The following IFNAR1 variants were observed in gnomAD, a reference collection of about 807,000 sequenced individuals.
IFNAR1 encodes the protein interferon alpha and beta receptor subunit 1.
A neutral mutation model predicts 62.1 loss-of-function variants in IFNAR1; 47 were observed. The observed-to-expected ratio is 0.76, with a 90% CI of 0.60 to 0.97. IFNAR1 has a LOEUF of 0.97. IFNAR1 is among the 50% of genes least tolerant of loss of function. IFNAR1 has a pLI of 0.00. For synonymous variants in IFNAR1, 219 were observed against 226.9 expected, an observed-to-expected ratio of 0.97 and a Z score of 0.31; for missense variants, 638 against 654.5, an observed-to-expected ratio of 0.97 and a Z score of 0.27.
chr21:33,334,915 G>A, intron 1 of IFNAR1: 1 of 1,543,508 alleles, frequency 6.5e-7, no homozygotes, highest in Non-Finnish European at 8.9e-7. Flanking sequence ...CACCCCTGCA[G>A]TGGGAGATGG....
intron 3 of IFNAR1, among the ~76,000 whole-genome samples, chr21:33,341,629 A>G (rs1455989348): frequency 1.3e-5 from 2 of 152,118 alleles, no homozygotes; most frequent in African/African-American, 4.8e-5. Flanking sequence ...TGAAGTTTCT[A>G]TGTTCCTTTT....
At chr21:33,349,325 T>C (rs773004485) in intron 7 of IFNAR1, 35 bp downstream of exon 7, 1 of 1,570,122 alleles carries the variant, frequency 6.4e-7, no homozygotes, top group Non-Finnish European at 8.7e-7. Flanking sequence ...ATTGTAATTC[T>C]CTGGTGCAAG....
At chr21:33,339,840 A>T (rs867808377) in intron 2 of IFNAR1, among the ~76,000 whole-genome samples, 1 of 149,664 alleles carries the variant, frequency 6.7e-6, no homozygotes, top group Non-Finnish European at 1.5e-5. Context: ...AGGCAGGAGA[A>T]TTGCTTGAAC....
intron 8 of IFNAR1, among the ~76,000 whole-genome samples, chr21:33,350,922 C>T (rs2083391724): frequency 6.6e-6 from 1 of 152,162 alleles, no homozygotes; most frequent in Non-Finnish European, 1.5e-5. Flanking sequence ...TTCCTCTTCT[C>T]TGAAGTGGTG....
rs2083469373 is a variant in IFNAR1, at chr21:33,358,400, A to T, written c.*2851A>T. On this transcript the variant is annotated 3_prime_UTR_variant, in exon 11 of 11. Transcript: ENST00000270139. ...TTGATAGTTCTTAGAGAGACCAGAT[A>T]TAATCTAAGAATTTATATGAAAGAT... is the stretch of plus-strand genomic sequence containing the variant. The T allele has an allele frequency of 6.6e-6, 1 of 152,204 alleles. No individual in the cohort carries two copies. Among genetic ancestry groups the T allele is most frequent in the Non-Finnish European group, 1.5e-5 (1 of 68,042 alleles). The allele number at this position is 152,204 out of a possible 1,614,324, so 9.4% of individuals were successfully genotyped here.
chr21:33,327,906 A>AT (rs1352694422), intron 1 of IFNAR1, among the ~76,000 whole-genome samples: 2 of 152,084 alleles, frequency 1.3e-5, no homozygotes, highest in Admixed American at 6.6e-5. Flanking sequence ...AGATTTAAAG[A>AT]TTTTCTGATT....
At position 33,325,047 on chromosome 21, in the gene IFNAR1, G is replaced by A. The variant is rs550596306; in HGVS notation, c.-9G>A. The A allele has an allele frequency of 2.3e-5, 37 of 1,592,880 alleles. No individual in the cohort carries two copies. In the African/African-American group the frequency reaches 4.4e-4, roughly 19 times the overall value. On this transcript the variant is annotated 5_prime_UTR_variant, in exon 1 of 11. Transcript: ENST00000270139. ...ACATGTAACTGGTGGGATCTGCGGC[G>A]GCTCCCAGATGATGGTCGTCCTCCT...
At chr21:33,348,024 A>G (rs2083365602) in intron 6 of IFNAR1, among the ~76,000 whole-genome samples, 1 of 152,148 alleles carries the variant, frequency 6.6e-6, no homozygotes, top group Non-Finnish European at 1.5e-5. Context: ...TATGTGGGAG[A>G]GTGGACTAAG....
rs186399400 is a variant in IFNAR1 at position 33,332,070 on chromosome 21, T to C, written c.77-3454T>C. On this transcript the variant is annotated intron_variant, in intron 1 of 10. Coordinates refer to ENST00000270139, the MANE Select transcript of IFNAR1 (RefSeq NM_000629.3). ...TTGCCCAGTAGCCACTCTGAATACCTTCATCTGGAATCAAGAGCTGCTGCA... is the reference window on the plus strand; with the variant it reads ...TTGCCCAGTAGCCACTCTGAATACCCTCATCTGGAATCAAGAGCTGCTGCA... Among the ~76,000 whole-genome samples the C allele has an allele frequency of 5.4e-4, 82 of 152,240 alleles. 2 individuals are homozygous for C. Among genetic ancestry groups the C allele is most frequent in the African/African-American group, 1.8e-3 (76 of 41,536 alleles).
chr21:33,325,138 G>C lies in IFNAR1; in HGVS notation c.76+7G>C. 6.2e-7 allele frequency: 1 copy of C among 1,608,764 alleles called. No individual in the cohort carries two copies. Among genetic ancestry groups the C allele is most frequent in the Non-Finnish European group, 8.5e-7 (1 of 1,178,468 alleles). ...GTGTTGTCCGCAGCCGCAGGTGAGAGGCGGGGAGGAGAGTCTTGGCGCAGG... is the reference window on the plus strand; with the variant it reads ...GTGTTGTCCGCAGCCGCAGGTGAGACGCGGGGAGGAGAGTCTTGGCGCAGG... On this transcript the variant is annotated splice_region_variant and intron_variant, in intron 1 of 10. Transcript: ENST00000270139.
In IFNAR1 at chr21:33,343,377, C is replaced by G. The variant is rs779890940; in HGVS notation, c.486C>G (p.Ser162Arg). 3.1e-6 allele frequency: 5 copies of G among 1,613,048 alleles called. No individual in the cohort carries two copies. The South Asian group carries it at 5.5e-5, about 18-fold the overall frequency. Residue 162 changes from serine to arginine, a missense_variant, in exon 4 of 11, where the codon AGC becomes AGG. Physicochemically the swap from Ser to Arg is moderately radical, Grantham distance 110. Coordinates refer to ENST00000270139, the MANE Select transcript of IFNAR1 (RefSeq NM_000629.3). ...DSVMWALDGL[S>R]FTYSLVIWKN... ...TTATGTGGGCTTTGGATGGTTTAAGCTTTACATATAGCTTAGTTATCTGGA... is the reference window on the plus strand; with the variant it reads ...TTATGTGGGCTTTGGATGGTTTAAGGTTTACATATAGCTTAGTTATCTGGA...
intron 2 of IFNAR1, among the ~76,000 whole-genome samples, chr21:33,338,192 C>T (rs2083260316): frequency 6.6e-6 from 1 of 152,030 alleles, no homozygotes; most frequent in South Asian, 2.1e-4. Flanking sequence ...GCAAACGAAA[C>T]CTGCCATGAG....
At chr21:33,353,408 A>G (rs1296971869) in intron 9 of IFNAR1, among the ~76,000 whole-genome samples, 1 of 152,186 alleles carries the variant, frequency 6.6e-6, no homozygotes, top group Non-Finnish European at 1.5e-5. Context: ...GTATGTCAAT[A>G]TTGTATTTCT....
At chr21:33,324,915 C>T (rs1482314283), upstream of IFNAR1, 42 of 619,880 alleles carry the variant, frequency 6.8e-5, no homozygotes, top group Non-Finnish European at 8.5e-5. Context: ...GAAGAGGCGG[C>T]GCGTGCGTAG....
chr21:33,350,418 C>G (rs547562025), intron 8 of IFNAR1, among the ~76,000 whole-genome samples: 2 of 152,108 alleles, frequency 1.3e-5, no homozygotes, highest in East Asian at 3.9e-4. Context: ...TTCCAAAGTT[C>G]AGCTTTGCCC....
At chr21:33,337,756 A>ATTGT (rs2083255948) in intron 2 of IFNAR1, among the ~76,000 whole-genome samples, 1 of 152,020 alleles carries the variant, frequency 6.6e-6, no homozygotes, top group Non-Finnish European at 1.5e-5. Flanking sequence ...ACATATACAC[A>ATTGT]CTATATATAC....
rs1019663999 is a variant in IFNAR1, at chr21:33,356,733, T to C, written c.*1184T>C. 6.6e-6 allele frequency: 1 copy of C among 152,220 alleles called. No homozygotes were observed. The highest frequency in any genetic ancestry group is 1.5e-5 in the Non-Finnish European group (1 of 68,038). The allele number at this position is 152,220 out of a possible 1,614,324, so 9.4% of individuals were successfully genotyped here. The stretch of plus-strand genomic sequence containing the variant: ...CAGAAGATAGTGTATGCAAGAAGTC[T>C]TGGGACCAGAAAATGGCAATGATAG... On this transcript the variant is annotated 3_prime_UTR_variant, in exon 11 of 11. Coordinates refer to ENST00000270139, the MANE Select transcript of IFNAR1 (RefSeq NM_000629.3).
chr21:33,333,874 C>T (rs1042771540), intron 1 of IFNAR1, among the ~76,000 whole-genome samples: 57 of 151,916 alleles, frequency 3.8e-4, no homozygotes, highest in Admixed American at 2.2e-3. Context: ...CCACCCGCCT[C>T]GGCCTCCCAA....
chr21:33,347,217 C>T (rs879794679), intron 6 of IFNAR1, among the ~76,000 whole-genome samples: 4 of 151,824 alleles, frequency 2.6e-5, no homozygotes, highest in Admixed American at 6.6e-5. Context: ...GCAACCTCCG[C>T]GTCCTGGGTT....
Sources: allele counts gnomAD v4.1 joint callset (sites outside exome capture counted in the v4.1 genomes callset), GRCh38; gene constraint gnomAD v4.1.1; transcripts MANE v1.5; gene names NCBI Gene and HGNC (gene_info 2026-07-23, HGNC 2026-07-21).